ZNF512: variants seen among roughly 807,000 people sequenced by gnomAD.
ZNF512 encodes zinc finger protein 512.
Under a neutral mutation model 77.5 loss-of-function variants are expected in ZNF512, and 25 were observed. The ratio of observed to expected loss-of-function variants is 0.32; its 90% CI spans 0.23 to 0.45. The LOEUF (loss-of-function observed/expected upper bound fraction) is 0.45. Among genes scored for constraint, ZNF512 ranks in the 20% least tolerant of loss-of-function variants. The pLI, the probability that ZNF512 is intolerant of heterozygous loss-of-function variation, is 1.00. For synonymous variants in ZNF512, 246 were observed against 239.9 expected (o/e 1.03, Z -0.24); for missense variants, 483 against 692.6 (o/e 0.70, Z 3.40).
intron 2 of ZNF512, 33 bp downstream of exon 2, chr2:27,583,749 T>G (rs1298849746): frequency 6.2e-7 from 1 of 1,612,018 alleles, no homozygotes; most frequent in South Asian, 1.1e-5. Flanking sequence ...CTTTTATGAT[T>G]GTGTCACCAG....
intron 2 of ZNF512, among the ~76,000 whole-genome samples, chr2:27,586,213 C>T (rs1252574336): frequency 9.7e-6 from 1 of 103,554 alleles, no homozygotes; most frequent in Admixed American, 1.1e-4. Flanking sequence ...ACCATCAAGT[C>T]TTTGTTGTTG....
intron 10 of ZNF512, among the ~76,000 whole-genome samples, chr2:27,614,865 T>C (rs1672817039): frequency 6.6e-6 from 1 of 152,132 alleles, no homozygotes. Context: ...AATCTTTCTT[T>C]TTTAACACAT....
intron 12 of ZNF512, 44 bp from the exon 13 acceptor site, chr2:27,617,429 C>T (rs1316538678): frequency 1.2e-6 from 1 of 817,628 alleles, no homozygotes; most frequent in Non-Finnish European, 2.2e-6. Context: ...AGTTATGTTG[C>T]TGAATTTACC....
intron 4 of ZNF512, 40 bp downstream of exon 4, chr2:27,599,718 C>T (rs1672033823): frequency 3.8e-6 from 6 of 1,560,750 alleles, no homozygotes; most frequent in Non-Finnish European, 5.3e-6. Context: ...CCTTGGGTGA[C>T]TGAGCTTTAT....
At chr2:27,583,347 C>T in intron 1 of ZNF512, 1 of 1,290,722 alleles carries the variant, frequency 7.7e-7, no homozygotes, top group African/African-American at 1.5e-5. Flanking sequence ...TTCCTCGCCA[C>T]ATTACCATTA....
chr2:27,601,199 C>T (rs1361465131), intron 6 of ZNF512, among the ~76,000 whole-genome samples, 157 bp from the exon 7 acceptor site: 15 of 152,074 alleles, frequency 9.9e-5, no homozygotes, highest in Admixed American at 9.8e-4. Context: ...TTATTTTGCC[C>T]TTGAAGACAT....
chr2:27,619,501 C>T, intron 13 of ZNF512, among the ~76,000 whole-genome samples: 1 of 152,158 alleles, frequency 6.6e-6, no homozygotes, highest in Non-Finnish European at 1.5e-5. Flanking sequence ...AGAATTGGAA[C>T]CAACAAATTT....
chr2:27,593,704 A>G (rs975147412), intron 2 of ZNF512, among the ~76,000 whole-genome samples: 3 of 148,998 alleles, frequency 2.0e-5, no homozygotes, highest in African/African-American at 7.4e-5. Context: ...CTGTAAATTT[A>G]TATCTGACCA....
chr2:27,610,797 C>T (rs560972748), intron 10 of ZNF512, among the ~76,000 whole-genome samples: 3 of 151,106 alleles, frequency 2.0e-5, no homozygotes, highest in South Asian at 4.2e-4. Flanking sequence ...GTCTCAAACT[C>T]CTGAGCTCAG....
At chr2:27,600,129 A>G in intron 5 of ZNF512, 76 bp downstream of exon 5, 1 of 1,486,090 alleles carries the variant, frequency 6.7e-7, no homozygotes, top group Non-Finnish European at 9.3e-7. Flanking sequence ...CTGTGAAGGA[A>G]TGAGGTACTA....
chr2:27,602,408 C>T lies in ZNF512; in HGVS notation c.670-55C>T. 2.1e-5 allele frequency: 32 copies of T among 1,537,370 alleles called. No individual in the cohort carries two copies. The Admixed American group carries it at 2.2e-4, about 11-fold the overall frequency. ...GATTCTCCTCTGATATTTTTTTTCCCTGTGTCTTATCTTTTCCATGAATCA... is the reference window on the plus strand; with the variant it reads ...GATTCTCCTCTGATATTTTTTTTCCTTGTGTCTTATCTTTTCCATGAATCA... On this transcript the variant is annotated intron_variant, in intron 7 of 13. Coordinates refer to ENST00000355467, the MANE Select transcript of ZNF512 (RefSeq NM_032434.4).
rs766178566 is a variant in ZNF512, at chr2:27,583,075, A to C, written c.-38A>C. On this transcript the variant is annotated 5_prime_UTR_variant, in exon 1 of 14. Transcript: ENST00000355467. ...GCGGAAGTGGCGTTGGTCTGGCCGGAGCCCTTGGGTGAAATTGTTAGGCGT... is the reference window on the plus strand; with the variant it reads ...GCGGAAGTGGCGTTGGTCTGGCCGGCGCCCTTGGGTGAAATTGTTAGGCGT... 1 of 1,613,698 alleles carries C rather than the reference A, an allele frequency of 6.2e-7. No homozygotes were observed. The highest frequency in any genetic ancestry group is 1.3e-5 in the African/African-American group (1 of 74,822).
intron 10 of ZNF512, among the ~76,000 whole-genome samples, chr2:27,608,768 T>C (rs1010770342): frequency 1.3e-5 from 2 of 152,102 alleles, no homozygotes; most frequent in African/African-American, 4.8e-5. Flanking sequence ...ATCAAGAAGT[T>C]CACATTTGGC....
chr2:27,617,160 C>G (rs1672918006), intron 12 of ZNF512: 2 of 224,460 alleles, frequency 8.9e-6, no homozygotes, highest in Non-Finnish European at 1.8e-5. Context: ...GGAACCAAGA[C>G]AACCTGGAAG....
chr2:27,592,050 C>A (rs372846564), intron 2 of ZNF512, among the ~76,000 whole-genome samples: 1 of 152,102 alleles, frequency 6.6e-6, no homozygotes, highest in Non-Finnish European at 1.5e-5. Context: ...AATGCAGTGG[C>A]GCAACCTCTG....
At chr2:27,617,719 A>G (rs1672943885) in intron 13 of ZNF512, 148 bp downstream of exon 13, 1 of 562,882 alleles carries the variant, frequency 1.8e-6, no homozygotes, top group African/African-American at 1.9e-5. Flanking sequence ...CTAAACTTAG[A>G]TATATAATTG....
intron 10 of ZNF512, among the ~76,000 whole-genome samples, chr2:27,610,552 A>G (rs1188436711): frequency 1.6e-4 from 4 of 25,310 alleles, no homozygotes; most frequent in East Asian, 3.0e-3. Flanking sequence ...GTGTATATAT[A>G]TATATATATA....
intron 2 of ZNF512, among the ~76,000 whole-genome samples, chr2:27,591,018 T>C (rs1323361014): frequency 6.6e-6 from 1 of 152,212 alleles, no homozygotes; most frequent in Non-Finnish European, 1.5e-5. Context: ...CTCAAAATTT[T>C]AAAGATATTT....
chr2:27,599,208 A>T (rs1366459728), intron 3 of ZNF512, among the ~76,000 whole-genome samples: 1 of 152,170 alleles, frequency 6.6e-6, no homozygotes, highest in Admixed American at 6.5e-5. Flanking sequence ...TGTAAGGATT[A>T]TTCAGGGGAG....
Sources: allele counts gnomAD v4.1 joint callset (sites outside exome capture counted in the v4.1 genomes callset), GRCh38; gene constraint gnomAD v4.1.1; transcripts MANE v1.5; gene names NCBI Gene and HGNC (gene_info 2026-07-23, HGNC 2026-07-21).